PAPPA2: variants seen among roughly 807,000 people sequenced by gnomAD.
PAPPA2 encodes the protein pappalysin-2.
PAPPA2 carries 86 observed loss-of-function variants against 176.4 expected under a neutral mutation model. The ratio of observed to expected loss-of-function variants is 0.49; its 90% CI spans 0.41 to 0.58. The LOEUF (loss-of-function observed/expected upper bound fraction) is 0.58. Ranked by LOEUF, PAPPA2 falls within the 20% of genes least tolerant of loss-of-function variation. The pLI is 0.00. For synonymous variants in PAPPA2, 809 were observed against 852.2 expected (o/e 0.95, Z 0.88); for missense variants, 2,073 against 2,256.9 (o/e 0.92, Z 1.65).
At chr1:176,837,772 G>A (rs1185585699) in intron 21 of PAPPA2, among the ~76,000 whole-genome samples, 1 of 152,120 alleles carries the variant, frequency 6.6e-6, no homozygotes, top group Non-Finnish European at 1.5e-5. Context: ...TTCAGTTATT[G>A]AAATTAAAAT....
chr1:176,468,223 G>A (rs1417839756), intron 1 of PAPPA2, among the ~76,000 whole-genome samples: 1 of 152,180 alleles, frequency 6.6e-6, no homozygotes, highest in Non-Finnish European at 1.5e-5. Flanking sequence ...TCTGGGCTCT[G>A]ACATTCCTCC....
At chr1:176,796,089 T>C (rs1295496553) in intron 20 of PAPPA2, among the ~76,000 whole-genome samples, 3 of 152,172 alleles carry the variant, frequency 2.0e-5, no homozygotes, top group Admixed American at 6.5e-5. Flanking sequence ...CAAAGTGTCC[T>C]CTTGATGGGT....
intron 11 of PAPPA2, among the ~76,000 whole-genome samples, chr1:176,710,436 C>T (rs1661092798): frequency 6.6e-6 from 1 of 152,022 alleles, no homozygotes; most frequent in African/African-American, 2.4e-5. Context: ...CAGTGGTTTA[C>T]TACAATGATC....
At chr1:176,732,148 C>G (rs926705852) in intron 12 of PAPPA2, among the ~76,000 whole-genome samples, 1 of 152,178 alleles carries the variant, frequency 6.6e-6, no homozygotes, top group East Asian at 1.9e-4. Flanking sequence ...AGTCCAATCA[C>G]TACTTTGGAT....
At chr1:176,481,943 CTCA>C (rs1652422986) in intron 1 of PAPPA2, among the ~76,000 whole-genome samples, 2 of 152,024 alleles carry the variant, frequency 1.3e-5, no homozygotes, top group Admixed American at 6.6e-5. Context: ...AACTCCTGAC[CTCA>C]AGTGATCCAC....
At chr1:176,527,276 G>A (rs1649550888) in intron 1 of PAPPA2, among the ~76,000 whole-genome samples, 1 of 152,210 alleles carries the variant, frequency 6.6e-6, no homozygotes, top group Non-Finnish European at 1.5e-5. Flanking sequence ...TATGTGACAG[G>A]CTCTATAGTG....
intron 12 of PAPPA2, among the ~76,000 whole-genome samples, chr1:176,719,945 G>A (rs1020031191): frequency 6.6e-6 from 1 of 152,182 alleles, no homozygotes; most frequent in Admixed American, 6.5e-5. Flanking sequence ...GACTTTGAAC[G>A]AAATGATGTG....
At chr1:176,633,598 T>C (rs1656481023) in intron 3 of PAPPA2, among the ~76,000 whole-genome samples, 1 of 152,114 alleles carries the variant, frequency 6.6e-6, no homozygotes, top group South Asian at 2.1e-4. Context: ...ATGAAGAAAC[T>C]AAGGCTTTCA....
chr1:176,613,285 T>G (rs1655032654), intron 3 of PAPPA2, among the ~76,000 whole-genome samples: 1 of 152,206 alleles, frequency 6.6e-6, no homozygotes. Flanking sequence ...ACCAGGTAAA[T>G]TCTGAAAGAC....
At chr1:176,482,822 A>G (rs1424704939) in intron 1 of PAPPA2, among the ~76,000 whole-genome samples, 4 of 152,188 alleles carry the variant, frequency 2.6e-5, no homozygotes, top group Non-Finnish European at 4.4e-5. Flanking sequence ...TTATGTGCTC[A>G]TCATCCCTGA....
chr1:176,491,559 G>T (rs1260409175), intron 1 of PAPPA2, among the ~76,000 whole-genome samples: 1 of 152,168 alleles, frequency 6.6e-6, no homozygotes, highest in African/African-American at 2.4e-5. Flanking sequence ...GTAAAAAATT[G>T]TAGGTAGAAC....
chr1:176,668,727 G>A (rs1419901476), intron 3 of PAPPA2, among the ~76,000 whole-genome samples: 1 of 152,020 alleles, frequency 6.6e-6, no homozygotes, highest in Non-Finnish European at 1.5e-5. Context: ...CAAAATAAGG[G>A]TTTCTTCTAT....
chr1:176,701,688 C>T (rs2102821496), intron 8 of PAPPA2, among the ~76,000 whole-genome samples: 1 of 152,184 alleles, frequency 6.6e-6, no homozygotes, highest in Admixed American at 6.6e-5. Context: ...GAAGAGAGAA[C>T]CATGGCAGAA....
At chr1:176,672,568 G>A (rs1475268311) in intron 4 of PAPPA2, among the ~76,000 whole-genome samples, 1 of 150,756 alleles carries the variant, frequency 6.6e-6, no homozygotes, top group African/African-American at 2.4e-5. Context: ...ATGTGTTAGC[G>A]ATAGACCAAA....
chr1:176,606,595 G>C (rs190496682), intron 3 of PAPPA2, among the ~76,000 whole-genome samples: 2 of 152,136 alleles, frequency 1.3e-5, no homozygotes, highest in Admixed American at 6.5e-5. Context: ...CTCCCGAGTG[G>C]CTGGGACTAC....
chr1:176,628,668 C>A (rs1656170040), intron 3 of PAPPA2, among the ~76,000 whole-genome samples: 1 of 152,120 alleles, frequency 6.6e-6, no homozygotes, highest in African/African-American at 2.4e-5. Context: ...TGAACCCAAG[C>A]AAAGTAGAGG....
At chr1:176,696,788 G>T (rs1041483098) in intron 7 of PAPPA2, among the ~76,000 whole-genome samples, 11 of 152,230 alleles carry the variant, frequency 7.2e-5, no homozygotes, top group African/African-American at 2.4e-4. Flanking sequence ...GAATTAATCT[G>T]CAGTCTTGAT....
At chr1:176,687,749 T>C (rs1300417714) in intron 4 of PAPPA2, among the ~76,000 whole-genome samples, 5 of 152,182 alleles carry the variant, frequency 3.3e-5, no homozygotes, top group Admixed American at 3.3e-4. Context: ...TGGAACTTTT[T>C]TTTTTTCATC....
intron 2 of PAPPA2, among the ~76,000 whole-genome samples, chr1:176,581,617 C>A (rs1371331819): frequency 2.6e-5 from 4 of 152,006 alleles, no homozygotes; most frequent in Non-Finnish European, 5.9e-5. Flanking sequence ...TTTATTTGTG[C>A]CTTCTTTATT....
Sources: allele counts gnomAD v4.1 joint callset (sites outside exome capture counted in the v4.1 genomes callset), GRCh38; gene constraint gnomAD v4.1.1; transcripts MANE v1.5; gene names NCBI Gene and HGNC (gene_info 2026-07-23, HGNC 2026-07-21).